NR6A1: variants seen among roughly 807,000 people sequenced by gnomAD.
NR6A1 encodes nuclear receptor subfamily 6 group A member 1.
Under a neutral mutation model 59.1 loss-of-function variants are expected in NR6A1, and 7 were observed. The observed-to-expected ratio is 0.12, with a 90% CI of 0.07 to 0.22. The LOEUF is 0.22. Among genes scored for constraint, NR6A1 ranks in the 10% least tolerant of loss-of-function variants. NR6A1 has a pLI of 1.00. For missense variants in NR6A1, 468 were observed against 611.6 expected, an observed-to-expected ratio of 0.77 and a Z score of 2.48; for synonymous variants, 243 against 236.1, an observed-to-expected ratio of 1.03 and a Z score of -0.27.
At chr9:124,764,825 A>G (rs1045721293) in intron 1 of NR6A1, among the ~76,000 whole-genome samples, 4 of 152,334 alleles carry the variant, frequency 2.6e-5, no homozygotes, top group African/African-American at 7.2e-5. Context: ...CCCACAGAGT[A>G]TATCTTCAAA....
intron 2 of NR6A1, among the ~76,000 whole-genome samples, chr9:124,650,575 T>C (rs1276006764): frequency 6.6e-6 from 1 of 152,130 alleles, no homozygotes; most frequent in Non-Finnish European, 1.5e-5. Flanking sequence ...TATTTCAAAA[T>C]GGATAGAAGA....
intron 1 of NR6A1, among the ~76,000 whole-genome samples, chr9:124,767,447 A>T (rs1233615575): frequency 6.6e-6 from 1 of 151,942 alleles, no homozygotes; most frequent in East Asian, 1.9e-4. Context: ...ATCACCAGTG[A>T]ATTTGCTCAC....
chr9:124,587,919 G>C (rs538529971), intron 2 of NR6A1, among the ~76,000 whole-genome samples: 1 of 152,160 alleles, frequency 6.6e-6, no homozygotes, highest in African/African-American at 2.4e-5. Flanking sequence ...CTAGGTTGGA[G>C]TGCAATGGCA....
At chr9:124,708,565 G>A (rs1839195783) in intron 2 of NR6A1, among the ~76,000 whole-genome samples, 1 of 151,980 alleles carries the variant, frequency 6.6e-6, no homozygotes, top group East Asian at 1.9e-4. Context: ...ACTTCCAGAG[G>A]AAGGCAGAGG....
At chr9:124,533,172 G>C (rs142655407) in intron 7 of NR6A1, among the ~76,000 whole-genome samples, 8 of 152,328 alleles carry the variant, frequency 5.3e-5, no homozygotes, top group African/African-American at 1.7e-4. Flanking sequence ...GTAGATTCCA[G>C]GCACCCAGAG....
intron 2 of NR6A1, among the ~76,000 whole-genome samples, chr9:124,614,674 T>C (rs1056529541): frequency 3.3e-5 from 5 of 152,188 alleles, no homozygotes; most frequent in Admixed American, 6.5e-5. Flanking sequence ...AGTCCGCCAC[T>C]ATATGCAAAA....
intron 2 of NR6A1, among the ~76,000 whole-genome samples, chr9:124,699,705 T>C (rs1838875420): frequency 6.6e-6 from 1 of 152,130 alleles, no homozygotes; most frequent in Admixed American, 6.5e-5. Flanking sequence ...TTCATTCATT[T>C]ATAGACTTGT....
intron 2 of NR6A1, among the ~76,000 whole-genome samples, chr9:124,566,045 A>G (rs1041149501): frequency 6.6e-6 from 1 of 152,260 alleles, no homozygotes; most frequent in Non-Finnish European, 1.5e-5. Flanking sequence ...CCCTGAATTT[A>G]AAATAACCCA....
intron 9 of NR6A1, among the ~76,000 whole-genome samples, chr9:124,524,235 G>A (rs1209079936): frequency 2.0e-5 from 3 of 152,118 alleles, no homozygotes; most frequent in Non-Finnish European, 4.4e-5. Flanking sequence ...GGGATTACAG[G>A]CAGGAGCCAC....
chr9:124,752,194 A>C (rs1840519546), intron 1 of NR6A1, among the ~76,000 whole-genome samples: 1 of 152,200 alleles, frequency 6.6e-6, no homozygotes. Flanking sequence ...GCTTAAACCC[A>C]GGAGGCAGAG....
chr9:124,654,875 TACACACACACACACACAC>T (rs3983841), intron 2 of NR6A1, among the ~76,000 whole-genome samples: 1 of 123,876 alleles, frequency 8.1e-6, no homozygotes, highest in African/African-American at 3.1e-5. Context: ...TTTTTTTTTG[TACACACACACACACACAC>T]ACACACACAC....
intron 2 of NR6A1, among the ~76,000 whole-genome samples, chr9:124,721,255 C>T (rs542486963): frequency 1.3e-5 from 2 of 152,296 alleles, no homozygotes; most frequent in South Asian, 2.1e-4. Context: ...GCTAAACTCT[C>T]GGCTCCATAG....
At chr9:124,640,550 C>T (rs1237249626) in intron 2 of NR6A1, among the ~76,000 whole-genome samples, 1 of 152,018 alleles carries the variant, frequency 6.6e-6, no homozygotes, top group Admixed American at 6.6e-5. Flanking sequence ...CAGGAGTATG[C>T]CACTATGCCT....
chr9:124,771,202 G>A lies in NR6A1; in HGVS notation c.-83C>T. Reference sequence around the variant, plus strand: ...TCGCCGTGGTCGTCGTCCGCCGAGGGGAGGAGGTTGTCAGGAGCCCGCGAG... The same window carrying A: ...TCGCCGTGGTCGTCGTCCGCCGAGGAGAGGAGGTTGTCAGGAGCCCGCGAG... On this transcript the variant is annotated 5_prime_UTR_variant, in exon 1 of 10. Transcript: ENST00000487099. The A allele has an allele frequency of 5.1e-6, 4 of 789,358 alleles. No homozygotes were observed. Among genetic ancestry groups the A allele is most frequent in the Non-Finnish European group, 6.9e-6 (4 of 583,518 alleles). The allele number at this position is 789,358 out of a possible 1,614,324, so 48.9% of individuals were successfully genotyped here.
Position 124,519,362 on chromosome 9 carries a change from T to C in NR6A1, c.*3343A>G, listed in dbSNP as rs746001341. 2.0e-5 allele frequency: 3 copies of C among 152,186 alleles called. No individual in the cohort carries two copies. The highest frequency in any genetic ancestry group is 2.9e-5 in the Non-Finnish European group (2 of 68,056). 9.4% of individuals were successfully genotyped at this position (152,186 alleles called of 1,614,324 possible). On this transcript the variant is annotated 3_prime_UTR_variant, in exon 10 of 10. Transcript: ENST00000487099. ...TGTCCTCTGAGCCAGGTTGAGCGCTTTGAGACAGATTCTGGGGAATTTCTC... is the reference window on the plus strand; with the variant it reads ...TGTCCTCTGAGCCAGGTTGAGCGCTCTGAGACAGATTCTGGGGAATTTCTC...
At chr9:124,741,372 G>T (rs1342513760) in intron 1 of NR6A1, among the ~76,000 whole-genome samples, 1 of 152,182 alleles carries the variant, frequency 6.6e-6, no homozygotes, top group Non-Finnish European at 1.5e-5. Context: ...ATAAGAATAG[G>T]TCCATCAGCC....
intron 2 of NR6A1, 89 bp from the exon 3 acceptor site, chr9:124,554,659 G>T: frequency 6.5e-7 from 1 of 1,538,080 alleles, no homozygotes. Context: ...GGTAGATTAA[G>T]ACCACCACTA....
intron 2 of NR6A1, chr9:124,658,696 A>T (rs1837332978): frequency 6.6e-6 from 1 of 152,168 alleles, no homozygotes; most frequent in Non-Finnish European, 1.5e-5. Flanking sequence ...TCCAACTGTA[A>T]AAAGTCTTAC....
intron 2 of NR6A1, among the ~76,000 whole-genome samples, chr9:124,715,847 A>T (rs1839405188): frequency 6.6e-6 from 1 of 152,214 alleles, no homozygotes; most frequent in Non-Finnish European, 1.5e-5. Context: ...TGGTAAAAAG[A>T]TTAATAGAAG....
Sources: gnomAD v4.1 joint callset for allele counts (sites outside exome capture counted in the v4.1 genomes callset) on GRCh38, gnomAD v4.1.1 for gene constraint, MANE v1.5 for transcripts, NCBI Gene and HGNC (gene_info 2026-07-23, HGNC 2026-07-21) for gene names.